CPLX1: variants seen among roughly 807,000 people sequenced by gnomAD.
The protein encoded by CPLX1 is complexin-1.
In CPLX1, 6 loss-of-function variants were observed where a neutral mutation model predicts 15.6. The ratio of observed to expected loss-of-function variants is 0.39; its 90% confidence interval spans 0.21 to 0.76. The LOEUF (loss-of-function observed/expected upper bound fraction) is 0.76, where lower values mean the gene tolerates loss of function less well. CPLX1 is among the 30% of genes least tolerant of loss of function. CPLX1 has a pLI of 0.43. For missense variants in CPLX1, 242 were observed against 188.6 expected, an observed-to-expected ratio of 1.28 and a Z score of -1.66; for synonymous variants, 91 against 75.2, an observed-to-expected ratio of 1.21 and a Z score of -1.08.
chr4:800,849 GTATATA>G (rs763825494), intron 2 of CPLX1, among the ~76,000 whole-genome samples: 4 of 131,710 alleles, frequency 3.0e-5, no homozygotes, highest in Non-Finnish European at 6.6e-5. Flanking sequence ...GTATATATAT[GTATATA>G]TATATATATA....
chr4:788,209 C>T (rs990527183), intron 3 of CPLX1: 2 of 985,162 alleles, frequency 2.0e-6, no homozygotes, highest in African/African-American at 3.5e-5. Flanking sequence ...TGGTGCTGGG[C>T]ACCCCCTGGA....
intron 2 of CPLX1, among the ~76,000 whole-genome samples, chr4:820,226 C>T (rs950604120): frequency 6.6e-6 from 1 of 151,572 alleles, no homozygotes; most frequent in Non-Finnish European, 1.5e-5. Flanking sequence ...TGCAGCTCCA[C>T]CGTCCTCCCG....
intron 2 of CPLX1, among the ~76,000 whole-genome samples, chr4:795,781 G>A (rs1394847683): frequency 7.5e-6 from 1 of 134,050 alleles, no homozygotes; most frequent in African/African-American, 3.0e-5. Flanking sequence ...CCGGGAGCTC[G>A]CCCCAAACCG....
intron 3 of CPLX1, among the ~76,000 whole-genome samples, chr4:788,700 C>T (rs1016739928): frequency 2.6e-5 from 4 of 151,972 alleles, no homozygotes; most frequent in African/African-American, 9.7e-5. Flanking sequence ...TGCTCTTCGT[C>T]CTGTGGGGCC....
intron 2 of CPLX1, among the ~76,000 whole-genome samples, chr4:803,582 A>G (rs1392081673): frequency 2.8e-5 from 4 of 144,548 alleles, no homozygotes. Context: ...TTTTTTTAGT[A>G]GAGACGGGGT....
intron 3 of CPLX1, among the ~76,000 whole-genome samples, chr4:789,921 C>T (rs1036846139): frequency 1.3e-5 from 1 of 76,342 alleles, no homozygotes; most frequent in South Asian, 3.8e-4. Flanking sequence ...GGTTCCCCCA[C>T]CCCAACAGGT....
chr4:801,192 C>T (rs768472967), intron 2 of CPLX1, among the ~76,000 whole-genome samples: 27 of 145,402 alleles, frequency 1.9e-4, no homozygotes, highest in South Asian at 4.4e-4. Context: ...CGTGGTGGCA[C>T]GTGCCTGCAG....
intron 2 of CPLX1, among the ~76,000 whole-genome samples, chr4:801,882 A>C (rs1746467094): frequency 6.6e-6 from 1 of 152,258 alleles, no homozygotes; most frequent in Non-Finnish European, 1.5e-5. Context: ...CAAATGTCTG[A>C]AATTAAAAAG....
At chr4:816,510 G>A (rs904479200) in intron 2 of CPLX1, among the ~76,000 whole-genome samples, 3 of 152,206 alleles carry the variant, frequency 2.0e-5, no homozygotes, top group Middle Eastern at 3.4e-3. Flanking sequence ...AAGCCACTGC[G>A]CCCGGCCAAA....
chr4:786,476 C>T lies in CPLX1; in HGVS notation c.*25G>A. 1 of 1,528,550 alleles carries T rather than the reference C, an allele frequency of 6.5e-7. No homozygotes were observed. The highest frequency in any genetic ancestry group is 8.8e-7 in the Non-Finnish European group (1 of 1,133,902). 94.7% of individuals were successfully genotyped at this position (1,528,550 alleles called of 1,614,324 possible). A position where few individuals can be genotyped will look rare whatever the true frequency, so the allele number is the denominator to read the frequency against. On this transcript the variant is annotated 3_prime_UTR_variant, in exon 4 of 4. Coordinates refer to ENST00000304062, the MANE Select transcript of CPLX1 (RefSeq NM_006651.4). ...TCTGTAGGGGGAGGGGCGGGGGCTC[C>T]GCGGGGCCGCTGTCCCGCGCGCGGC...
chr4:786,853 C>T lies in CPLX1; in HGVS notation c.208-155G>A, dbSNP rs536312614. The T allele has an allele frequency of 1.2e-4, 116 of 974,860 alleles. 1 individual carries two copies. The South Asian group carries it at 4.5e-3, about 38-fold the overall frequency. The allele number at this position is 974,860 out of a possible 1,614,324, so 60.4% of individuals were successfully genotyped here. On this transcript the variant is annotated intron_variant, in intron 3 of 3. Transcript: ENST00000304062. Reference sequence around the variant, plus strand: ...AAGGACCCCAGAAGGAGAAGAGACCCCACCCCGGGGGGTCCCTGGAGGAAT... The same window carrying T: ...AAGGACCCCAGAAGGAGAAGAGACCTCACCCCGGGGGGTCCCTGGAGGAAT...
chr4:786,884 G>T, intron 3 of CPLX1, 186 bp from the exon 4 acceptor site: 2 of 982,868 alleles, frequency 2.0e-6, no homozygotes, highest in Non-Finnish European at 1.2e-6. Context: ...GGAATGGGAA[G>T]CCCCCACGGA....
chr4:824,238 G>C (rs1746930258), intron 2 of CPLX1, among the ~76,000 whole-genome samples: 1 of 152,238 alleles, frequency 6.6e-6, no homozygotes, highest in African/African-American at 2.4e-5. Flanking sequence ...CACAGCAGTG[G>C]GGCAGAGTGA....
rs1172704256 is a variant in CPLX1 at position 820,990 on chromosome 4, G to A, written c.31+3502C>T. On this transcript the variant is annotated intron_variant, in intron 2 of 3. Transcript: ENST00000304062. ...GACACTTCTCGTCCACCCCGGCTTG[G>A]ATGACCACAATCCTCCCCCTCACGC... is the stretch of plus-strand genomic sequence containing the variant. Among the ~76,000 whole-genome samples, 7 of 152,220 alleles carry A rather than the reference G, an allele frequency of 4.6e-5. No individual in the cohort carries two copies. In the South Asian group the frequency reaches 1.2e-3, roughly 27 times the overall value.
rs78196536 is a variant in CPLX1, at chr4:803,272, T to A, written c.32-10664A>T. ...TTCTGCGCTGTTTCGAAGGGTCCAG[T>A]GAAGCGCATGAAAAGATAAGACACA... On this transcript the variant is annotated intron_variant, in intron 2 of 3. Transcript: ENST00000304062. 8.5e-3 allele frequency among the ~76,000 whole-genome samples: 1,294 copies of A among 152,370 alleles called. 8 individuals carry two copies. The highest frequency in any genetic ancestry group is 0.014 in the South Asian group (66 of 4,830).
rs1158609662 is a variant in CPLX1, at chr4:785,923, A to G, written c.*578T>C. 2 of 152,164 alleles carry G rather than the reference A, an allele frequency of 1.3e-5. No individual in the cohort carries two copies. Among genetic ancestry groups the G allele is most frequent in the Admixed American group, 1.3e-4 (2 of 15,274 alleles). 9.4% of individuals were successfully genotyped at this position (152,164 alleles called of 1,614,324 possible). On this transcript the variant is annotated 3_prime_UTR_variant, in exon 4 of 4. Coordinates refer to ENST00000304062, the MANE Select transcript of CPLX1 (RefSeq NM_006651.4). ...GAACACGGCCGTGGCGTTCGTAAGA[A>G]GCAAAACCTTCCAGAGAGGAGAGGA...
chr4:815,526 G>A (rs1746736428), intron 2 of CPLX1, among the ~76,000 whole-genome samples: 1 of 152,168 alleles, frequency 6.6e-6, no homozygotes, highest in South Asian at 2.1e-4. Flanking sequence ...CCACGGAGGG[G>A]CATGGGGGCA....
chr4:800,597 T>A (rs1746432924), intron 2 of CPLX1, among the ~76,000 whole-genome samples: 1 of 138,332 alleles, frequency 7.2e-6, no homozygotes, highest in African/African-American at 2.7e-5. Context: ...TGTATATATA[T>A]ATATATTAGC....
chr4:790,026 G>A (rs181616868), intron 3 of CPLX1, among the ~76,000 whole-genome samples: 2 of 79,352 alleles, frequency 2.5e-5, no homozygotes, highest in South Asian at 3.7e-4. Context: ...GCCTGAGGGC[G>A]GGGTTCCCCC....
Sources: allele counts gnomAD v4.1 joint callset (sites outside exome capture counted in the v4.1 genomes callset), GRCh38; gene constraint gnomAD v4.1.1; transcripts MANE v1.5; gene names NCBI Gene and HGNC (gene_info 2026-07-23, HGNC 2026-07-21).